ATG7: variants seen among roughly 807,000 people sequenced by gnomAD.
The protein encoded by ATG7 is ubiquitin-like modifier-activating enzyme ATG7.
Under a neutral mutation model 82.4 loss-of-function variants are expected in ATG7, and 70 were observed. The observed-to-expected ratio is 0.85, with a 90% confidence interval of 0.70 to 1.04. The LOEUF (loss-of-function observed/expected upper bound fraction) is 1.04. ATG7 is among the 50% of genes least tolerant of loss of function. The probability of loss-of-function intolerance (pLI) is 0.00; values close to 1 mark genes in which losing one functional copy is unlikely to be tolerated. For missense variants in ATG7, 792 were observed against 864.3 expected (o/e 0.92, Z 1.05); for synonymous variants, 287 against 313.0 (o/e 0.92, Z 0.88).
intron 11 of ATG7, among the ~76,000 whole-genome samples, chr3:11,339,309 AAAAAG>A (rs71055864): frequency 0.41 from 53,116 of 128,026 alleles, 9,178 homozygotes; most frequent in East Asian, 0.52. Context: ...AAAAAAAAAA[AAAAAG>A]AAAAGAAAAG....
intron 20 of ATG7, among the ~76,000 whole-genome samples, chr3:11,480,669 A>G (rs981490746): frequency 2.0e-5 from 3 of 152,190 alleles, no homozygotes; most frequent in Admixed American, 2.0e-4. Flanking sequence ...TGGGCTGGGA[A>G]TGTATGCAGA....
intron 19 of ATG7, among the ~76,000 whole-genome samples, chr3:11,414,477 G>A (rs1347418008): frequency 6.6e-6 from 1 of 152,180 alleles, no homozygotes; most frequent in Admixed American, 6.5e-5. Flanking sequence ...TACGTGGGCA[G>A]GCATGTCATC....
At chr3:11,277,110 C>G (rs1288280949) in intron 1 of ATG7, 1 of 152,278 alleles carries the variant, frequency 6.6e-6, no homozygotes, top group Non-Finnish European at 1.5e-5. Context: ...TTGTTGCTAT[C>G]TCCTGACTCA....
At chr3:11,541,047 C>A (rs758487391) in intron 20 of ATG7, among the ~76,000 whole-genome samples, 86 of 151,988 alleles carry the variant, frequency 5.7e-4, no homozygotes, top group Non-Finnish European at 1.0e-3. Flanking sequence ...CTACAGGTGC[C>A]CACCACCACA....
intron 20 of ATG7, among the ~76,000 whole-genome samples, chr3:11,470,467 G>C (rs1380032789): frequency 6.6e-6 from 1 of 152,166 alleles, no homozygotes; most frequent in African/African-American, 2.4e-5. Context: ...TAATCTTATG[G>C]GGCCACCCTC....
chr3:11,505,310 C>T (rs191872797), intron 20 of ATG7, among the ~76,000 whole-genome samples: 25 of 152,182 alleles, frequency 1.6e-4, no homozygotes, highest in Admixed American at 9.2e-4. Context: ...AGAAGACTAG[C>T]GGTAAGCCAG....
chr3:11,501,779 T>A (rs931488104), intron 20 of ATG7, among the ~76,000 whole-genome samples: 1 of 152,174 alleles, frequency 6.6e-6, no homozygotes, highest in Non-Finnish European at 1.5e-5. Context: ...AGCCTTCGCC[T>A]CCCGGGTTCA....
At chr3:11,302,444 G>C (rs1000190957) in intron 5 of ATG7, among the ~76,000 whole-genome samples, 1 of 152,082 alleles carries the variant, frequency 6.6e-6, no homozygotes, top group Non-Finnish European at 1.5e-5. Flanking sequence ...TGCATGGGTT[G>C]GTAGAGAAAG....
intron 20 of ATG7, among the ~76,000 whole-genome samples, chr3:11,430,573 A>C (rs1005339154): frequency 8.5e-5 from 13 of 152,224 alleles, no homozygotes; most frequent in African/African-American, 3.1e-4. Context: ...TATATGTGAC[A>C]TTACCATTAT....
intron 19 of ATG7, among the ~76,000 whole-genome samples, chr3:11,390,736 T>G (rs2078731778): frequency 8.1e-6 from 1 of 123,178 alleles, no homozygotes; most frequent in Admixed American, 9.4e-5. Context: ...ATGAGCAATT[T>G]GCAGGAAATT....
intron 9 of ATG7, among the ~76,000 whole-genome samples, chr3:11,320,997 A>T (rs1480913316): frequency 1.3e-5 from 2 of 152,178 alleles, no homozygotes; most frequent in African/African-American, 4.8e-5. Flanking sequence ...GTGACAGGAG[A>T]CAGAATACAG....
At chr3:11,478,979 G>C (rs1478550505) in intron 20 of ATG7, among the ~76,000 whole-genome samples, 6 of 106,532 alleles carry the variant, frequency 5.6e-5, no homozygotes, top group African/African-American at 1.8e-4. Flanking sequence ...ATATGTGCCT[G>C]TATATTTACA....
At chr3:11,571,118 C>T in the ATG7 span, among the ~76,000 whole-genome samples, 3 of 152,176 alleles carry the variant, frequency 2.0e-5, no homozygotes, top group Non-Finnish European at 4.4e-5. Flanking sequence ...CAGGAAAAAG[C>T]TGGCAAAATA....
chr3:11,319,774 G>A (rs903457226), intron 9 of ATG7, among the ~76,000 whole-genome samples: 1 of 151,898 alleles, frequency 6.6e-6, no homozygotes, highest in African/African-American at 2.4e-5. Context: ...TACCACCCCT[G>A]TGTCTTGTGG....
the ATG7 span, among the ~76,000 whole-genome samples, chr3:11,570,471 C>A: frequency 6.6e-6 from 1 of 152,184 alleles, no homozygotes; most frequent in Non-Finnish European, 1.5e-5. Context: ...CTGGCTGGAC[C>A]GTGCACTCCC....
chr3:11,473,445 G>A (rs978918318), intron 20 of ATG7, among the ~76,000 whole-genome samples: 29 of 152,184 alleles, frequency 1.9e-4, no homozygotes. Flanking sequence ...TGGAAAGTAA[G>A]GCTAAAGGGA....
chr3:11,428,432 A>G (rs748982099), intron 20 of ATG7, among the ~76,000 whole-genome samples: 2 of 152,214 alleles, frequency 1.3e-5, no homozygotes, highest in Non-Finnish European at 1.5e-5. Context: ...AAGATAGTAC[A>G]TCTCTAGTGC....
At chr3:11,400,605 G>A (rs1235599725) in intron 19 of ATG7, among the ~76,000 whole-genome samples, 8 of 151,918 alleles carry the variant, frequency 5.3e-5, no homozygotes, top group South Asian at 4.1e-4. Flanking sequence ...GGTTCACACC[G>A]CACCCCCCAC....
intron 19 of ATG7, among the ~76,000 whole-genome samples, chr3:11,380,408 G>A (rs149553737): frequency 6.6e-6 from 1 of 152,158 alleles, no homozygotes; most frequent in African/African-American, 2.4e-5. Context: ...GCGTTACTCT[G>A]AGGGTGAGGC....
Sources: gnomAD v4.1 joint callset for allele counts (sites outside exome capture counted in the v4.1 genomes callset) on GRCh38, gnomAD v4.1.1 for gene constraint, MANE v1.5 for transcripts, NCBI Gene and HGNC (gene_info 2026-07-23, HGNC 2026-07-21) for gene names.